BMP2K: variants seen among roughly 807,000 people sequenced by gnomAD.
The protein encoded by BMP2K is BMP-2-inducible protein kinase.
Under a neutral mutation model 116.0 loss-of-function variants are expected in BMP2K, and 74 were observed. The ratio of observed to expected loss-of-function variants is 0.64; its 90% CI spans 0.53 to 0.77. BMP2K has a LOEUF of 0.77. Ranked by LOEUF, BMP2K falls within the 30% of genes least tolerant of loss-of-function variation. BMP2K has a pLI of 0.00. For synonymous variants in BMP2K, 486 were observed against 502.5 expected, an observed-to-expected ratio of 0.97 and a Z score of 0.44; for missense variants, 1,365 against 1,403.6, an observed-to-expected ratio of 0.97 and a Z score of 0.44.
chr4:78,801,325 G>T (rs1297714387), intron 1 of BMP2K, among the ~76,000 whole-genome samples: 1 of 149,428 alleles, frequency 6.7e-6, no homozygotes, highest in African/African-American at 2.5e-5. Context: ...TATCTTTATT[G>T]CCTGGATGGT....
intron 3 of BMP2K, among the ~76,000 whole-genome samples, chr4:78,840,175 A>G (rs1730690444): frequency 1.3e-5 from 2 of 152,144 alleles, no homozygotes; most frequent in Non-Finnish European, 2.9e-5. Flanking sequence ...TTTTAATGTT[A>G]GTGATGAAAT....
intron 14 of BMP2K, among the ~76,000 whole-genome samples, chr4:78,885,537 T>G (rs755746687): frequency 6.6e-6 from 1 of 152,232 alleles, no homozygotes; most frequent in Non-Finnish European, 1.5e-5. Context: ...GCTTTTTGCT[T>G]CACTCCAAAA....
At chr4:78,854,274 ATTAT>A (rs1363045548) in intron 7 of BMP2K, among the ~76,000 whole-genome samples, 1 of 136,838 alleles carries the variant, frequency 7.3e-6, no homozygotes, top group African/African-American at 2.7e-5. Flanking sequence ...TATTATTATT[ATTAT>A]TTATTTATTT....
At chr4:78,890,211 TC>T (rs1480757535) in intron 15 of BMP2K, among the ~76,000 whole-genome samples, 1 of 152,078 alleles carries the variant, frequency 6.6e-6, no homozygotes, top group Non-Finnish European at 1.5e-5. Flanking sequence ...TCCCTCCCAG[TC>T]CCCTTTTCCT....
intron 1 of BMP2K, among the ~76,000 whole-genome samples, chr4:78,789,519 G>A (rs536183837): frequency 3.3e-5 from 5 of 152,278 alleles, no homozygotes; most frequent in Non-Finnish European, 7.4e-5. Context: ...ATAGTCTGAA[G>A]GCAGCTGGAG....
At chr4:78,872,826 G>A (rs765199411) in intron 13 of BMP2K, 28 bp downstream of exon 13, 18 of 1,595,714 alleles carry the variant, frequency 1.1e-5, no homozygotes, top group Non-Finnish European at 1.5e-5. Context: ...GAAAGCAAAG[G>A]AAATTATTGT....
chr4:78,890,164 T>C (rs971072647), intron 15 of BMP2K, among the ~76,000 whole-genome samples: 2 of 151,990 alleles, frequency 1.3e-5, no homozygotes, highest in Non-Finnish European at 2.9e-5. Flanking sequence ...TTTAACAAGA[T>C]TTGAAATGGA....
At chr4:78,835,396 C>T (rs929757401) in intron 3 of BMP2K, among the ~76,000 whole-genome samples, 2 of 151,918 alleles carry the variant, frequency 1.3e-5, no homozygotes, top group African/African-American at 4.8e-5. Flanking sequence ...AAGGCAGAGG[C>T]GGGTTGATCA....
At chr4:78,909,574 A>G (rs1046444022) in intron 15 of BMP2K, among the ~76,000 whole-genome samples, 3 of 152,046 alleles carry the variant, frequency 2.0e-5, no homozygotes, top group Non-Finnish European at 4.4e-5. Context: ...GCCTATTTTC[A>G]GCCCCTTAAA....
chr4:78,796,962 G>A (rs975976881), intron 1 of BMP2K, among the ~76,000 whole-genome samples: 3 of 152,132 alleles, frequency 2.0e-5, no homozygotes, highest in Non-Finnish European at 4.4e-5. Context: ...AAAAAGTAGT[G>A]GCTTCATTTT....
At chr4:78,861,505 A>G (rs751730530) in intron 9 of BMP2K, 37 bp downstream of exon 9, 4 of 1,496,930 alleles carry the variant, frequency 2.7e-6, no homozygotes, top group Admixed American at 1.8e-5. Context: ...AAGGCATTAA[A>G]AAAAATGATA....
intron 15 of BMP2K, among the ~76,000 whole-genome samples, chr4:78,895,906 C>G (rs1352759498): frequency 6.6e-6 from 1 of 151,920 alleles, no homozygotes; most frequent in African/African-American, 2.4e-5. Context: ...GGACTACAAG[C>G]AGAAGCTACC....
intron 1 of BMP2K, among the ~76,000 whole-genome samples, chr4:78,785,194 T>C (rs1410558799): frequency 6.6e-6 from 1 of 152,202 alleles, no homozygotes; most frequent in African/African-American, 2.4e-5. Context: ...CACTGCAACC[T>C]CTGCCTCCTG....
chr4:78,795,707 C>T (rs1224545656), intron 1 of BMP2K, among the ~76,000 whole-genome samples: 2 of 151,978 alleles, frequency 1.3e-5, no homozygotes, highest in African/African-American at 4.8e-5. Context: ...AAACAAACAA[C>T]CCCATCAAAA....
intron 1 of BMP2K, among the ~76,000 whole-genome samples, chr4:78,809,690 T>G (rs7654012): frequency 0.019 from 2,963 of 151,994 alleles, 99 homozygotes; most frequent in African/African-American, 0.068. Flanking sequence ...TAAAGTGTTT[T>G]TTTTTTTTTT....
At chr4:78,890,410 A>G (rs1034017802) in intron 15 of BMP2K, among the ~76,000 whole-genome samples, 9 of 151,872 alleles carry the variant, frequency 5.9e-5, no homozygotes, top group African/African-American at 1.9e-4. Context: ...ATGCGCACAC[A>G]CACACACACA....
intron 1 of BMP2K, 134 bp from the exon 2 acceptor site, chr4:78,825,903 G>A (rs1729846379): frequency 3.1e-6 from 2 of 655,256 alleles, no homozygotes; most frequent in Middle Eastern, 4.0e-4. Context: ...TAATCTACTA[G>A]TAGCTTATTG....
At chr4:78,841,837 G>A (rs1730774022) in intron 3 of BMP2K, among the ~76,000 whole-genome samples, 1 of 151,998 alleles carries the variant, frequency 6.6e-6, no homozygotes, top group South Asian at 2.1e-4. Flanking sequence ...TCTCTGCCTG[G>A]TTGATTCCTA....
At chr4:78,817,319 A>G (rs1158450228) in intron 1 of BMP2K, among the ~76,000 whole-genome samples, 2 of 152,182 alleles carry the variant, frequency 1.3e-5, no homozygotes, top group Admixed American at 1.3e-4. Flanking sequence ...CCCCCACTTC[A>G]AACACCAGCT....
Sources: gnomAD v4.1 joint callset for allele counts (sites outside exome capture counted in the v4.1 genomes callset) on GRCh38, gnomAD v4.1.1 for gene constraint, MANE v1.5 for transcripts, NCBI Gene and HGNC (gene_info 2026-07-23, HGNC 2026-07-21) for gene names.